Variants in UGT2B7 observed in about 807,000 individuals in gnomAD.
UGT2B7 encodes the protein UDP-glucuronosyltransferase 2B7.
A neutral mutation model predicts 51.9 loss-of-function variants in UGT2B7; 51 were observed. That is an observed-to-expected ratio of 0.98 (90% CI 0.78 to 1.24). UGT2B7 has a LOEUF of 1.24. Ranked by LOEUF, UGT2B7 falls within the 50% of genes most tolerant of loss-of-function variation. UGT2B7 has a pLI of 0.00. For synonymous variants in UGT2B7, 225 were observed against 211.6 expected (o/e 1.06, Z -0.55); for missense variants, 727 against 628.4 (o/e 1.16, Z -1.68).
intron 3 of UGT2B7, among the ~76,000 whole-genome samples, chr4:69,106,255 C>T (rs1719596257): frequency 6.6e-6 from 1 of 152,030 alleles, no homozygotes; most frequent in African/African-American, 2.4e-5. Flanking sequence ...TCCTCCCACC[C>T]TCCACCCTCC....
In UGT2B7 at chr4:69,106,521, T is replaced by C. The variant is rs191735481; in HGVS notation, c.1003-654T>C. Among the ~76,000 whole-genome samples the C allele has an allele frequency of 9.5e-4, 144 of 152,338 alleles. 2 individuals are homozygous for C. In the Middle Eastern group the frequency reaches 0.01, roughly 11 times the overall value. The stretch of plus-strand genomic sequence containing the variant: ...CATAATCAATGGGCATTTAGGTTGA[T>C]TCCATGTCGTTGCTATTGTGAAAAG... On this transcript the variant is annotated intron_variant, in intron 3 of 5. Transcript: ENST00000305231.
At chr4:69,108,776 C>T (rs1286502127) in intron 5 of UGT2B7, among the ~76,000 whole-genome samples, 1 of 151,784 alleles carries the variant, frequency 6.6e-6, no homozygotes, top group African/African-American at 2.4e-5. Context: ...GCATAAAACC[C>T]CCCTGTTTAT....
At chr4:69,083,054 AC>A (rs2109874820) in intron 1 of UGT2B7, among the ~76,000 whole-genome samples, 1 of 152,230 alleles carries the variant, frequency 6.6e-6, no homozygotes, top group East Asian at 1.9e-4. Flanking sequence ...AAATAGAAAA[AC>A]AATGCCTAGA....
At chr4:69,104,112 C>G (rs989973303) in intron 3 of UGT2B7, among the ~76,000 whole-genome samples, 3 of 152,016 alleles carry the variant, frequency 2.0e-5, no homozygotes, top group African/African-American at 7.3e-5. Flanking sequence ...CATGGTGAAA[C>G]CCGTCTCTAC....
chr4:69,096,092 T>C (rs6819882), upstream of UGT2B7, among the ~76,000 whole-genome samples: 238 of 152,280 alleles, frequency 1.6e-3, 1 homozygote, highest in Non-Finnish European at 2.4e-3. Context: ...AATTGATAAA[T>C]AGTATGATAT....
At chr4:69,079,951 AT>A (rs965669861) in intron 1 of UGT2B7, among the ~76,000 whole-genome samples, 11 of 152,066 alleles carry the variant, frequency 7.2e-5, no homozygotes, top group African/African-American at 2.4e-4. Flanking sequence ...ATTGTCAAAT[AT>A]TTTTAAATAC....
rs34308305 is a variant in UGT2B7, at chr4:69,108,238, G to C, written c.1226G>C (p.Arg409Thr). The change falls in exon 5 of 6, where the codon AGG (arginine) becomes ACG (threonine). Residue 409 changes from arginine (R) to threonine (T), a missense_variant. Physicochemically the swap from Arg to Thr is moderately conservative, Grantham distance 71 (BLOSUM62 -1). Coordinates refer to ENST00000305231, the MANE Select transcript of UGT2B7 (RefSeq NM_001074.4). ...GATAACATTGCTCACATGAAGGCCA[G>C]GGGAGCAGCTGTTAGAGTGGACTTC... Reference protein sequence around the residue: ...QPDNIAHMKARGAAVRVDFNT... With the variant: ...QPDNIAHMKATGAAVRVDFNT... The C allele has an allele frequency of 4.4e-5, 71 of 1,613,608 alleles. No individual in the cohort carries two copies. The highest frequency in any genetic ancestry group is 1.5e-4 in the Admixed American group (9 of 59,988).
intron 4 of UGT2B7, among the ~76,000 whole-genome samples, chr4:69,107,724 T>C (rs1719646042): frequency 2.0e-5 from 3 of 152,160 alleles, no homozygotes; most frequent in African/African-American, 7.2e-5. Flanking sequence ...CCTTCCTCAA[T>C]CCTAGCACCA....
chr4:69,058,940 G>A (rs1299534621), intron 1 of UGT2B7, among the ~76,000 whole-genome samples: 2 of 152,216 alleles, frequency 1.3e-5, no homozygotes, highest in Admixed American at 6.5e-5. Context: ...AGATCAGTGT[G>A]CACAGTGCAA....
chr4:69,100,232 A>G (rs1719379230), intron 2 of UGT2B7, among the ~76,000 whole-genome samples: 1 of 152,068 alleles, frequency 6.6e-6, no homozygotes, highest in African/African-American at 2.4e-5. Context: ...GAGATAATGA[A>G]CAATGCATGT....
At chr4:69,087,038 TTCTCTCTCGCTCTGTCTCTCTTTCTC>T (rs1330066966) in intron 1 of UGT2B7, among the ~76,000 whole-genome samples, 2 of 151,510 alleles carry the variant, frequency 1.3e-5, no homozygotes, top group Admixed American at 6.6e-5. Flanking sequence ...TGTATATCCT[TTCTCTCTCGCTCTGTCTCTCTTTCTC>T]TCTCTCTCTC....
At chr4:69,103,565 T>A (rs1719494675) in intron 3 of UGT2B7, among the ~76,000 whole-genome samples, 1 of 152,212 alleles carries the variant, frequency 6.6e-6, no homozygotes, top group Admixed American at 6.5e-5. Context: ...CTTAATGTAG[T>A]CTTTAGAATG....
rs1197932211 is a variant in UGT2B7 at position 69,066,069 on chromosome 4, A to G, written c.-159+14467A>G. On this transcript the variant is annotated intron_variant, in intron 1 of 5. Coordinates refer to the UGT2B7 transcript ENST00000502942. ...TTACTTAACTTGTCCTCATTTCCTT[A>G]TTAGCCATAGGGAAGGCATTTGACT... Among the ~76,000 whole-genome samples the G allele has an allele frequency of 4.6e-5, 7 of 152,248 alleles. No homozygotes were observed. The East Asian group carries it at 1.4e-3, about 29-fold the overall frequency.
intron 3 of UGT2B7, among the ~76,000 whole-genome samples, chr4:69,105,790 G>C (rs1449027272): frequency 6.6e-6 from 1 of 152,076 alleles, no homozygotes; most frequent in Non-Finnish European, 1.5e-5. Flanking sequence ...AACCTTTGCA[G>C]CATTAATCTA....
At chr4:69,107,432 A>AT (rs1203281446) in intron 4 of UGT2B7, among the ~76,000 whole-genome samples, 170 bp downstream of exon 4, 3 of 152,128 alleles carry the variant, frequency 2.0e-5, no homozygotes, top group African/African-American at 7.2e-5. Flanking sequence ...AATTTTTGGC[A>AT]TTTTATGATA....
At chr4:69,101,336 T>G (rs898745598) in intron 2 of UGT2B7, among the ~76,000 whole-genome samples, 6 of 152,004 alleles carry the variant, frequency 3.9e-5, no homozygotes, top group Non-Finnish European at 8.8e-5. Context: ...TAGAAAAATT[T>G]TATTTAAAAA....
intron 1 of UGT2B7, among the ~76,000 whole-genome samples, chr4:69,064,076 G>GAAAA (rs779591588): frequency 9.4e-6 from 1 of 106,350 alleles, no homozygotes; most frequent in African/African-American, 4.8e-5. Flanking sequence ...AAGAAAGAAA[G>GAAAA]AAAGAAAGAA....
At chr4:69,100,225 A>G (rs771294336) in intron 2 of UGT2B7, among the ~76,000 whole-genome samples, 29 of 152,074 alleles carry the variant, frequency 1.9e-4, no homozygotes, top group Non-Finnish European at 3.4e-4. Context: ...AAGCACAGAG[A>G]TAATGAACAA....
chr4:69,071,217 G>A (rs1034845403), intron 1 of UGT2B7, among the ~76,000 whole-genome samples: 17 of 152,028 alleles, frequency 1.1e-4, no homozygotes, highest in African/African-American at 3.9e-4. Flanking sequence ...TTTCTCTCTT[G>A]AAATATGATC....
Sources: allele counts gnomAD v4.1 joint callset (sites outside exome capture counted in the v4.1 genomes callset), GRCh38; gene constraint gnomAD v4.1.1; transcripts MANE v1.5; gene names NCBI Gene and HGNC (gene_info 2026-07-23, HGNC 2026-07-21).